Variants in CDK12 observed in about 807,000 individuals in gnomAD.
The protein encoded by CDK12 is cyclin dependent kinase 12.
In CDK12, 17 loss-of-function variants were observed where a neutral mutation model predicts 133.8. That is an observed-to-expected ratio of 0.13 (90% CI 0.09 to 0.19). CDK12 has a LOEUF of 0.19. Ranked by LOEUF, CDK12 falls within the 10% of genes least tolerant of loss-of-function variation. The pLI is 1.00. For synonymous variants in CDK12, 694 were observed against 683.6 expected, an observed-to-expected ratio of 1.02 and a Z score of -0.24; for missense variants, 1,508 against 1,818.7, an observed-to-expected ratio of 0.83 and a Z score of 3.11.
intron 5 of CDK12, among the ~76,000 whole-genome samples, chr17:39,495,075 C>G (rs895643172): frequency 1.3e-5 from 2 of 151,244 alleles, no homozygotes; most frequent in African/African-American, 2.4e-5. Context: ...CTGGCCCTTT[C>G]TTTCTTATTT....
At chr17:39,541,324 C>A in intron 1 of CDK12, among the ~76,000 whole-genome samples, 1 of 151,232 alleles carries the variant, frequency 6.6e-6, no homozygotes, top group Non-Finnish European at 1.5e-5. Context: ...ACTGCCTCAA[C>A]TTCTTTTCCT....
In CDK12 at chr17:39,466,655, A is replaced by G. The variant is rs1486468965; in HGVS notation, c.1046+3538A>G. On this transcript the variant is annotated intron_variant, in intron 1 of 13. Transcript: ENST00000447079. ...AAAAAAAAAAAAAAAAAAAAAAAAA[A>G]GCAGATGAATCTCTACTCACATAAT... 3.5e-4 allele frequency among the ~76,000 whole-genome samples: 43 copies of G among 121,932 alleles called. No individual in the cohort carries two copies. In the South Asian group the frequency reaches 4.5e-3, roughly 13 times the overall value. The allele number at this position is 121,932 out of a possible 152,430, so 80.0% of individuals were successfully genotyped here. A position where few individuals can be genotyped will look rare whatever the true frequency, so the allele number is the denominator to read the frequency against.
intron 5 of CDK12, among the ~76,000 whole-genome samples, chr17:39,499,376 T>C (rs1363624329): frequency 1.3e-5 from 2 of 150,460 alleles, no homozygotes; most frequent in African/African-American, 4.9e-5. Context: ...GTCCAGGTAA[T>C]TTTTGTATTT....
chr17:39,462,395 G>A lies in CDK12; in HGVS notation c.324G>A (p.Leu108=), dbSNP rs2144867669. The A allele has an allele frequency of 6.2e-7, 1 of 1,614,162 alleles. No homozygotes were observed. Among genetic ancestry groups the A allele is most frequent in the Non-Finnish European group, 8.5e-7 (1 of 1,180,024 alleles). ...GTGGATCAGATCGGAGCGACCGCCT[G>A]CACAAACATCGTCACCACCAGCACA... ...ERRGSDRSDR[L]HKHRHHQHRR... is the part of the protein sequence containing the mutation. The change falls in exon 1 of 14, where the codon CTG becomes CTA. Residue 108 remains leucine, a synonymous_variant. Coordinates refer to ENST00000447079, the MANE Select transcript of CDK12 (RefSeq NM_016507.4).
At chr17:39,479,122 C>CA (rs1486556560) in intron 2 of CDK12, among the ~76,000 whole-genome samples, 1 of 151,934 alleles carries the variant, frequency 6.6e-6, no homozygotes, top group Non-Finnish European at 1.5e-5. Context: ...TCCTGGCTAA[C>CA]ACGATGAAAC....
At chr17:39,466,564 C>T (rs1325021531) in intron 1 of CDK12, among the ~76,000 whole-genome samples, 4 of 120,004 alleles carry the variant, frequency 3.3e-5, no homozygotes, top group Admixed American at 1.1e-4. Context: ...AGGTGAGCCG[C>T]GATTGCAATA....
chr17:39,531,606 T>C lies in CDK12; in HGVS notation c.*290T>C, dbSNP rs77371405. ...GGATCATTACATTGAAAAGTAAATG[T>C]TTTATTAGTTCATTGCCTGCACTTA... On this transcript the variant is annotated 3_prime_UTR_variant, in exon 14 of 14. Coordinates refer to ENST00000447079, the MANE Select transcript of CDK12 (RefSeq NM_016507.4). The C allele has an allele frequency of 8.1e-4, 266 of 328,446 alleles. No individual in the cohort carries two copies. Among genetic ancestry groups the C allele is most frequent in the African/African-American group, 5.3e-3 (251 of 47,660 alleles). 20.3% of individuals were successfully genotyped at this position (328,446 alleles called of 1,614,324 possible).
intron 11 of CDK12, among the ~76,000 whole-genome samples, chr17:39,523,138 T>C (rs1362510238): frequency 6.6e-6 from 1 of 152,130 alleles, no homozygotes; most frequent in Non-Finnish European, 1.5e-5. Context: ...TGTATTGTAT[T>C]GGAGCTTCAG....
intron 8 of CDK12, among the ~76,000 whole-genome samples, chr17:39,513,082 C>T (rs1426195073): frequency 1.3e-5 from 2 of 152,126 alleles, no homozygotes; most frequent in African/African-American, 4.8e-5. Flanking sequence ...CATTTCCTGC[C>T]CCAAACCTGG....
At chr17:39,536,326 A>G (rs758036347), downstream of CDK12, among the ~76,000 whole-genome samples, 2 of 152,222 alleles carry the variant, frequency 1.3e-5, no homozygotes, top group African/African-American at 2.4e-5. Flanking sequence ...ATGAGAGTCA[A>G]TTCAGAAGAC....
chr17:39,467,809 A>G (rs2049461443), intron 1 of CDK12, among the ~76,000 whole-genome samples: 1 of 152,106 alleles, frequency 6.6e-6, no homozygotes, highest in Non-Finnish European at 1.5e-5. Flanking sequence ...TATTTGGTCA[A>G]TATCAGTACC....
Position 39,531,102 on chromosome 17 carries a change from T to G in CDK12, c.4259T>G (p.Phe1420Cys). The change falls in exon 14 of 14, where the codon TTC (phenylalanine) becomes TGC (cysteine). Residue 1420 changes from phenylalanine to cysteine, a missense_variant. Transcript: ENST00000447079. ...LALHPVVGQP[F>C]LKAEGSSNSV... ...TTACACCCGGTGGTCGGGCAACCAT[T>G]CCTGAAGGCTGAGGGAAGCAGCAAT... 6.3e-7 allele frequency: 1 copy of G among 1,585,542 alleles called. No homozygotes were observed.
intron 3 of CDK12, among the ~76,000 whole-genome samples, chr17:39,557,227 C>T (rs533114575): frequency 1.2e-4 from 19 of 152,280 alleles, no homozygotes; most frequent in African/African-American, 3.4e-4. Flanking sequence ...TGAAGCCGGC[C>T]GCTGAGTCTG....
chr17:39,466,615 G>GAAAAAAAAAAAAAAAAAAAAAAAAAAA (rs71147339), intron 1 of CDK12, among the ~76,000 whole-genome samples: 2 of 31,434 alleles, frequency 6.4e-5, no homozygotes, highest in African/African-American at 2.0e-4. Context: ...AACTCTATCT[G>GAAAAAAAAAAAAAAAAAAAAAAAAAAA]AAAAAAAAAA....
chr17:39,484,104 A>G (rs1259088218), intron 2 of CDK12, among the ~76,000 whole-genome samples: 1 of 152,172 alleles, frequency 6.6e-6, no homozygotes, highest in Non-Finnish European at 1.5e-5. Flanking sequence ...TCGGCATTCC[A>G]AAGAGCTGGG....
At chr17:39,496,943 A>G (rs1472014420) in intron 5 of CDK12, among the ~76,000 whole-genome samples, 2 of 71,038 alleles carry the variant, frequency 2.8e-5, no homozygotes, top group African/African-American at 6.3e-5. Flanking sequence ...TTTTTTTTTT[A>G]ATTTTGAGAA....
chr17:39,511,675 G>A (rs1465197105), intron 8 of CDK12, 45 bp downstream of exon 8: 2 of 1,253,598 alleles, frequency 1.6e-6, no homozygotes, highest in Non-Finnish European at 2.3e-6. Flanking sequence ...CTTACATACT[G>A]TTGACTTGTA....
intron 12 of CDK12, 122 bp from the exon 13 acceptor site, chr17:39,525,742 A>G: frequency 1.4e-6 from 1 of 713,468 alleles, no homozygotes; most frequent in Non-Finnish European, 2.4e-6. Flanking sequence ...GCATGAAAAA[A>G]TGAGACATTT....
Position 39,462,878 on chromosome 17 carries a change from C to T in CDK12, c.807C>T (p.Thr269=), listed in dbSNP as rs1222067329. The change falls in exon 1 of 14, where the codon ACC becomes ACT. Residue 269 remains threonine, a synonymous_variant. Transcript: ENST00000447079. ...YDSYKKSPGS[T]SRRQSVSPPY... Reference sequence around the variant, plus strand: ...CCTACAAGAAAAGTCCTGGAAGTACCTCGAGAAGGCAGTCGGTCAGTCCCC... The same window carrying T: ...CCTACAAGAAAAGTCCTGGAAGTACTTCGAGAAGGCAGTCGGTCAGTCCCC... 3.1e-6 allele frequency: 5 copies of T among 1,614,042 alleles called. No individual in the cohort carries two copies. Among genetic ancestry groups the T allele is most frequent in the South Asian group, 2.2e-5 (2 of 91,086 alleles).
Sources: allele counts gnomAD v4.1 joint callset (sites outside exome capture counted in the v4.1 genomes callset), GRCh38; gene constraint gnomAD v4.1.1; transcripts MANE v1.5; gene names NCBI Gene and HGNC (gene_info 2026-07-23, HGNC 2026-07-21).